The following SOCS2 variants were observed in gnomAD, a reference collection of about 807,000 sequenced individuals.
The protein encoded by SOCS2 is CIS-2.
SOCS2 carries 10 observed loss-of-function variants against 18.6 expected under a neutral mutation model. That is an observed-to-expected ratio of 0.54 (90% CI 0.33 to 0.91). The LOEUF (loss-of-function observed/expected upper bound fraction) is 0.91. Ranked by LOEUF, SOCS2 falls within the 40% of genes least tolerant of loss-of-function variation. The pLI, the probability that SOCS2 is intolerant of heterozygous loss-of-function variation, is 0.02. For synonymous variants in SOCS2, 104 were observed against 104.0 expected (o/e 1.00, Z 0.00); for missense variants, 231 against 247.2 (o/e 0.93, Z 0.44).
At position 93,575,047 on chromosome 12, in the gene SOCS2, G is replaced by T. The variant is rs768242857; in HGVS notation, c.465G>T (p.Pro155=). The change falls in exon 2 of 2, where the codon CCG becomes CCT. Residue 155 remains proline, a synonymous_variant. Coordinates refer to ENST00000551556, the MANE Select transcript of SOCS2 (RefSeq NM_001270471.2). ...NGTVHLYLTK[P]LYTSAPSLQH... is the part of the protein sequence containing the mutation. ...CTGTTCACCTTTATCTGACCAAACCGCTCTACACGTCAGCACCATCTCTGC... is the reference window on the plus strand; with the variant it reads ...CTGTTCACCTTTATCTGACCAAACCTCTCTACACGTCAGCACCATCTCTGC... 15 of 1,613,884 alleles carry T rather than the reference G, an allele frequency of 9.3e-6. No homozygotes were observed. The highest frequency in any genetic ancestry group is 1.6e-4 in the Middle Eastern group (1 of 6,082).
downstream of SOCS2, among the ~76,000 whole-genome samples, chr12:93,587,542 G>T (rs974142509): frequency 6.6e-6 from 1 of 151,986 alleles, no homozygotes; most frequent in African/African-American, 2.4e-5. Context: ...GTAGCCGGGC[G>T]TGGTGGCACG....
At chr12:93,573,282 G>C in intron 1 of SOCS2, 1 of 591,408 alleles carries the variant, frequency 1.7e-6, no homozygotes, top group Non-Finnish European at 3.0e-6. Context: ...TAGCTTCTTA[G>C]CACGCTGGAA....
the SOCS2 span, among the ~76,000 whole-genome samples, chr12:93,605,791 A>G: frequency 6.6e-6 from 1 of 152,016 alleles, no homozygotes; most frequent in East Asian, 1.9e-4. Context: ...TCTGTCTGAC[A>G]CTCTTCTGAG....
the SOCS2 span, among the ~76,000 whole-genome samples, chr12:93,611,924 C>T: frequency 6.6e-6 from 1 of 152,034 alleles, no homozygotes; most frequent in Non-Finnish European, 1.5e-5. Context: ...GTTTTCTTTA[C>T]AACTCCTCCC....
downstream of SOCS2, among the ~76,000 whole-genome samples, chr12:93,584,720 C>G (rs1248818020): frequency 6.6e-6 from 1 of 152,066 alleles, no homozygotes; most frequent in Non-Finnish European, 1.5e-5. Flanking sequence ...TCCTAATTAT[C>G]CAGCTTGGAA....
chr12:93,605,168 G>C, the SOCS2 span, among the ~76,000 whole-genome samples: 1 of 152,146 alleles, frequency 6.6e-6, no homozygotes, highest in Non-Finnish European at 1.5e-5. Context: ...ACAGAGCACA[G>C]TAATTACCAA....
At chr12:93,570,255 C>T (rs921648537), upstream of SOCS2, 4 of 152,068 alleles carry the variant, frequency 2.6e-5, no homozygotes, top group Non-Finnish European at 5.9e-5. Context: ...GCCGGGTCTA[C>T]CGGAGACGTT....
the SOCS2 span, among the ~76,000 whole-genome samples, chr12:93,621,341 C>G: frequency 6.6e-6 from 1 of 152,144 alleles, no homozygotes; most frequent in Admixed American, 6.5e-5. Flanking sequence ...CACAGACTGT[C>G]TATCATGGAT....
the SOCS2 span, among the ~76,000 whole-genome samples, chr12:93,624,436 G>A: frequency 6.6e-6 from 1 of 152,154 alleles, no homozygotes; most frequent in Admixed American, 6.5e-5. Flanking sequence ...GCCAGGTGTG[G>A]TGGCAGGCAC....
downstream of SOCS2, among the ~76,000 whole-genome samples, chr12:93,579,948 A>G (rs1452653564): frequency 6.7e-6 from 1 of 150,298 alleles, no homozygotes; most frequent in Non-Finnish European, 1.5e-5. Context: ...TCCTTAACTT[A>G]TAGGCATTCT....
At chr12:93,599,374 C>T in the SOCS2 span, among the ~76,000 whole-genome samples, 4 of 152,058 alleles carry the variant, frequency 2.6e-5, no homozygotes, top group African/African-American at 7.2e-5. Context: ...GTTGCCCAGG[C>T]TGGTCTTGAA....
At chr12:93,612,362 CT>C in the SOCS2 span, among the ~76,000 whole-genome samples, 15 of 148,064 alleles carry the variant, frequency 1.0e-4, no homozygotes, top group East Asian at 3.9e-4. Context: ...TGCCATTGTA[CT>C]TTTTTTTTTT....
chr12:93,592,917 C>CTTTTT, the SOCS2 span, among the ~76,000 whole-genome samples: 14 of 107,378 alleles, frequency 1.3e-4, no homozygotes, highest in Non-Finnish European at 2.1e-4. Context: ...ACTGAGAAAG[C>CTTTTT]TTTTTTTTTT....
the SOCS2 span, among the ~76,000 whole-genome samples, chr12:93,610,515 C>G: frequency 1.3e-5 from 2 of 152,128 alleles, no homozygotes; most frequent in African/African-American, 2.4e-5. Flanking sequence ...GACTTGAATC[C>G]ATGTGTTCCT....
chr12:93,625,989 A>C, the SOCS2 span, among the ~76,000 whole-genome samples: 1 of 152,060 alleles, frequency 6.6e-6, no homozygotes, highest in African/African-American at 2.4e-5. Flanking sequence ...AACCATGAGA[A>C]AAAGGCCTGA....
At chr12:93,623,274 G>A in the SOCS2 span, among the ~76,000 whole-genome samples, 5 of 152,160 alleles carry the variant, frequency 3.3e-5, no homozygotes, top group South Asian at 6.2e-4. Context: ...CATGTAAGAC[G>A]TGCCTTGCTT....
At chr12:93,621,755 T>C in the SOCS2 span, among the ~76,000 whole-genome samples, 5 of 152,288 alleles carry the variant, frequency 3.3e-5, no homozygotes, top group African/African-American at 1.2e-4. Flanking sequence ...AAGTGAGTGC[T>C]AGGACTATAA....
At chr12:93,587,342 C>CA (rs1265882061), downstream of SOCS2, among the ~76,000 whole-genome samples, 2 of 152,014 alleles carry the variant, frequency 1.3e-5, no homozygotes, top group East Asian at 3.9e-4. Context: ...TTGAAGGAGT[C>CA]AAGAAAGAAA....
chr12:93,625,161 T>C, the SOCS2 span, among the ~76,000 whole-genome samples: 5 of 152,346 alleles, frequency 3.3e-5, no homozygotes, highest in African/African-American at 1.2e-4. Context: ...GGTCATCTCC[T>C]GGGGGAGCCA....
Sources: gnomAD v4.1 joint callset for allele counts (sites outside exome capture counted in the v4.1 genomes callset) on GRCh38, gnomAD v4.1.1 for gene constraint, MANE v1.5 for transcripts, NCBI Gene and HGNC (gene_info 2026-07-23, HGNC 2026-07-21) for gene names.